TMTC4: variants seen among roughly 807,000 people sequenced by gnomAD.
The protein encoded by TMTC4 is protein O-mannosyl-transferase TMTC4.
TMTC4 carries 65 observed loss-of-function variants against 86.0 expected under a neutral mutation model. The observed-to-expected ratio is 0.76, with a 90% CI of 0.62 to 0.93. The LOEUF (loss-of-function observed/expected upper bound fraction) is 0.93. Ranked by LOEUF, TMTC4 falls within the 40% of genes least tolerant of loss-of-function variation. The pLI is 0.00. For synonymous variants in TMTC4, 379 were observed against 382.5 expected (o/e 0.99, Z 0.11); for missense variants, 866 against 948.1 (o/e 0.91, Z 1.14).
intron 6 of TMTC4, among the ~76,000 whole-genome samples, chr13:100,655,016 ATTTT>A (rs35965658): frequency 2.5e-5 from 3 of 118,654 alleles, no homozygotes; most frequent in Admixed American, 9.4e-5. Context: ...CACAACGCCT[ATTTT>A]TTTTTTTTTT....
chr13:100,627,908 GGA>G (rs947089528), intron 12 of TMTC4, among the ~76,000 whole-genome samples: 5 of 152,298 alleles, frequency 3.3e-5, no homozygotes, highest in Non-Finnish European at 5.9e-5. Flanking sequence ...TGCAGTCCTA[GGA>G]GAGAGGTCAG....
intron 17 of TMTC4, among the ~76,000 whole-genome samples, chr13:100,607,716 T>G (rs1876883806): frequency 6.6e-6 from 1 of 152,052 alleles, no homozygotes; most frequent in Non-Finnish European, 1.5e-5. Context: ...CCCTGAGAAA[T>G]TGGCTGAGAA....
intron 15 of TMTC4, among the ~76,000 whole-genome samples, chr13:100,619,328 G>GACACACAC (rs34662519): frequency 3.3e-4 from 48 of 146,022 alleles, no homozygotes; most frequent in African/African-American, 1.1e-3. Context: ...AATAAAAGCA[G>GACACACAC]ACACACACAC....
At chr13:100,648,253 T>G (rs1261404583) in intron 6 of TMTC4, among the ~76,000 whole-genome samples, 1 of 152,142 alleles carries the variant, frequency 6.6e-6, no homozygotes, top group Non-Finnish European at 1.5e-5. Context: ...AGCTAATGAG[T>G]GCTTGAAATG....
At chr13:100,613,870 G>A (rs1486228462) in intron 16 of TMTC4, among the ~76,000 whole-genome samples, 6 of 127,814 alleles carry the variant, frequency 4.7e-5, no homozygotes, top group Non-Finnish European at 7.8e-5. Context: ...ATGGCGTTTC[G>A]CTCTTGTTGC....
In TMTC4 at chr13:100,664,216, C is replaced by T; in HGVS notation, c.335+5G>A. 1 of 1,604,524 alleles carries T rather than the reference C, an allele frequency of 6.2e-7. No homozygotes were observed. The highest frequency in any genetic ancestry group is 8.5e-7 in the Non-Finnish European group (1 of 1,175,704). On this transcript the variant is annotated splice_donor_5th_base_variant and intron_variant, in intron 4 of 18. Coordinates refer to ENST00000342624, the MANE Select transcript of TMTC4 (RefSeq NM_032813.5). ...CTTCCCAGGCCCTTCAATGTCACAG[C>T]TTACCTGAAAGTCAGGACGGTGAGA...
chr13:100,650,547 C>T (rs1417792831), intron 6 of TMTC4, among the ~76,000 whole-genome samples: 1 of 152,254 alleles, frequency 6.6e-6, no homozygotes, highest in Admixed American at 6.5e-5. Flanking sequence ...GTGGGAACCA[C>T]GCCACCCCGA....
chr13:100,668,913 A>G lies in TMTC4; in HGVS notation c.4-119T>C. 2.8e-6 allele frequency: 3 copies of G among 1,076,176 alleles called. No individual in the cohort carries two copies. The South Asian group carries it at 4.9e-5, about 17-fold the overall frequency. The allele number at this position is 1,076,176 out of a possible 1,614,324, so 66.7% of individuals were successfully genotyped here. A position where few individuals can be genotyped will look rare whatever the true frequency, so the allele number is the denominator to read the frequency against. On this transcript the variant is annotated intron_variant, in intron 2 of 18. Coordinates refer to ENST00000342624, the MANE Select transcript of TMTC4 (RefSeq NM_032813.5). ...TGCTATGATTTTATAGGATGTGATC[A>G]GTAACAATTTGAAGCTGTGCTTCCC...
At chr13:100,642,012 G>C (rs1566609236) in intron 7 of TMTC4, among the ~76,000 whole-genome samples, 199 bp downstream of exon 7, 1 of 152,204 alleles carries the variant, frequency 6.6e-6, no homozygotes, top group Non-Finnish European at 1.5e-5. Flanking sequence ...TGACTGTCAA[G>C]AAAGTCAGTC....
At chr13:100,610,352 G>A (rs958112295) in intron 17 of TMTC4, among the ~76,000 whole-genome samples, 3 of 152,180 alleles carry the variant, frequency 2.0e-5, no homozygotes, top group Non-Finnish European at 2.9e-5. Context: ...CTGACCATTA[G>A]CAACCGGTAT....
chr13:100,671,412 C>T (rs568907231), intron 1 of TMTC4, among the ~76,000 whole-genome samples: 13 of 152,136 alleles, frequency 8.5e-5, no homozygotes, highest in Non-Finnish European at 1.3e-4. Context: ...CCTAAATTAG[C>T]GACTGTACCT....
At chr13:100,650,878 G>A (rs1316909485) in intron 6 of TMTC4, among the ~76,000 whole-genome samples, 1 of 152,198 alleles carries the variant, frequency 6.6e-6, no homozygotes, top group Admixed American at 6.5e-5. Flanking sequence ...AAAAACAGGT[G>A]TCTTTAATCA....
intron 11 of TMTC4, 35 bp from the exon 12 acceptor site, chr13:100,634,971 T>A (rs200047896): frequency 4.3e-6 from 7 of 1,610,718 alleles, no homozygotes; most frequent in Non-Finnish European, 5.1e-6. Flanking sequence ...TTGTCACCAG[T>A]GAGATGCATC....
chr13:100,614,117 G>C (rs1329541486), intron 16 of TMTC4, among the ~76,000 whole-genome samples, 199 bp downstream of exon 16: 3 of 151,958 alleles, frequency 2.0e-5, no homozygotes, highest in Non-Finnish European at 4.4e-5. Context: ...GGGATTACAG[G>C]TGTGAGCAAC....
At chr13:100,664,833 T>C (rs1480732788) in intron 3 of TMTC4, among the ~76,000 whole-genome samples, 2 of 152,220 alleles carry the variant, frequency 1.3e-5, no homozygotes, top group Non-Finnish European at 2.9e-5. Flanking sequence ...CATGACTATT[T>C]TTCTGTGCCA....
rs575434157 is a variant in TMTC4, at chr13:100,628,728, C to T, written c.1507-2578G>A. 2.6e-5 allele frequency among the ~76,000 whole-genome samples: 4 copies of T among 152,256 alleles called. No homozygotes were observed. The South Asian group carries it at 8.3e-4, about 32-fold the overall frequency. On this transcript the variant is annotated intron_variant, in intron 12 of 18. Transcript: ENST00000342624. ...TCAGGTCACCTTGGAACGAGGGCAT[C>T]AGGGAAGCCAACGTCTGGTAGTTTC...
intron 6 of TMTC4, among the ~76,000 whole-genome samples, chr13:100,646,215 C>T (rs530426718): frequency 5.3e-5 from 8 of 152,304 alleles, no homozygotes; most frequent in East Asian, 3.9e-4. Flanking sequence ...AGCCTGTTCA[C>T]GGCTGGACGG....
chr13:100,664,439 G>C, intron 3 of TMTC4, 103 bp from the exon 4 acceptor site: 1 of 728,606 alleles, frequency 1.4e-6, no homozygotes, highest in Non-Finnish European at 2.2e-6. Flanking sequence ...TCCTAGCGGG[G>C]ATGCTGTGCC....
intron 7 of TMTC4, among the ~76,000 whole-genome samples, chr13:100,641,642 C>T (rs1038618785): frequency 1.3e-5 from 2 of 152,274 alleles, no homozygotes; most frequent in South Asian, 2.1e-4. Flanking sequence ...CATGCACCAT[C>T]GCGCCTGGCT....
Sources: allele counts gnomAD v4.1 joint callset (sites outside exome capture counted in the v4.1 genomes callset), GRCh38; gene constraint gnomAD v4.1.1; transcripts MANE v1.5; gene names NCBI Gene and HGNC (gene_info 2026-07-23, HGNC 2026-07-21).